Variants in KRT8 observed in about 807,000 individuals in gnomAD.
The protein encoded by KRT8 is keratin 8.
KRT8 carries 24 observed loss-of-function variants against 43.0 expected under a neutral mutation model. That is an observed-to-expected ratio of 0.56 (90% CI 0.40 to 0.78). The LOEUF (loss-of-function observed/expected upper bound fraction) is 0.78. KRT8 is among the 30% of genes least tolerant of loss of function. The probability of loss-of-function intolerance (pLI) is 0.00; values close to 1 mark genes in which losing one functional copy is unlikely to be tolerated. For synonymous variants in KRT8, 214 were observed against 261.2 expected, an observed-to-expected ratio of 0.82 and a Z score of 1.74; for missense variants, 492 against 638.4, an observed-to-expected ratio of 0.77 and a Z score of 2.47.
chr12:52,900,584 A>G lies in KRT8; in HGVS notation c.690+4T>C. ...CCCTCACTCTCCTGCGACCAGGAAC[A>G]TACCTCTTCATATAGCTGCCTGAGG... is the stretch of plus-strand genomic sequence containing the variant. On this transcript the variant is annotated splice_donor_region_variant and intron_variant, in intron 4 of 7. Transcript: ENST00000692008. 4 of 1,594,518 alleles carry G rather than the reference A, an allele frequency of 2.5e-6. No individual in the cohort carries two copies. The highest frequency in any genetic ancestry group is 1.1e-5 in the South Asian group (1 of 90,552).
At chr12:52,931,330 G>A (rs1318588669) in intron 2 of KRT8, among the ~76,000 whole-genome samples, 1 of 152,076 alleles carries the variant, frequency 6.6e-6, no homozygotes, top group Non-Finnish European at 1.5e-5. Flanking sequence ...GCCTCCCAAA[G>A]TACTGGGATT....
At chr12:52,918,330 G>C (rs1941818837) in intron 2 of KRT8, among the ~76,000 whole-genome samples, 1 of 152,144 alleles carries the variant, frequency 6.6e-6, no homozygotes, top group Non-Finnish European at 1.5e-5. Context: ...GGCCTCTACT[G>C]TATCAGCTGG....
At chr12:52,918,059 GAAGGA>G (rs1941785004) in intron 2 of KRT8, among the ~76,000 whole-genome samples, 1 of 143,788 alleles carries the variant, frequency 7.0e-6, no homozygotes, top group Non-Finnish European at 1.5e-5. Flanking sequence ...AGAGGAAGAA[GAAGGA>G]GAAGAAGAAG....
intron 2 of KRT8, among the ~76,000 whole-genome samples, chr12:52,913,171 A>G (rs1357013372): frequency 6.6e-6 from 1 of 152,236 alleles, no homozygotes; most frequent in African/African-American, 2.4e-5. Flanking sequence ...GAGCAGAGTC[A>G]GGTGGCAGGG....
chr12:52,935,170 T>C (rs1219233828), intron 2 of KRT8, among the ~76,000 whole-genome samples: 2 of 148,044 alleles, frequency 1.4e-5, no homozygotes, highest in Admixed American at 6.7e-5. Context: ...CACCTGAGGT[T>C]AGGAGTTCGA....
At chr12:52,931,963 A>G (rs1050515796) in intron 2 of KRT8, among the ~76,000 whole-genome samples, 2 of 151,712 alleles carry the variant, frequency 1.3e-5, no homozygotes, top group Non-Finnish European at 2.9e-5. Context: ...GCGCTTGGCC[A>G]TATGTTTATG....
intron 2 of KRT8, among the ~76,000 whole-genome samples, chr12:52,930,838 G>A (rs1364284921): frequency 1.3e-5 from 2 of 152,128 alleles, no homozygotes; most frequent in Non-Finnish European, 2.9e-5. Context: ...GGCATTACAG[G>A]CATGAACCTC....
At chr12:52,940,185 C>T (rs1013081354) in intron 2 of KRT8, among the ~76,000 whole-genome samples, 2 of 151,982 alleles carry the variant, frequency 1.3e-5, no homozygotes, top group African/African-American at 4.8e-5. Flanking sequence ...GTAATCCCAG[C>T]ACTTTGGGAG....
chr12:52,942,315 C>T (rs189136241), intron 2 of KRT8, among the ~76,000 whole-genome samples: 2 of 152,266 alleles, frequency 1.3e-5, no homozygotes, highest in Admixed American at 1.3e-4. Context: ...CTTAGGCACC[C>T]AACTTGACCA....
intron 2 of KRT8, among the ~76,000 whole-genome samples, chr12:52,930,964 CTT>C (rs748692007): frequency 7.2e-5 from 11 of 152,164 alleles, no homozygotes; most frequent in Admixed American, 2.6e-4. Flanking sequence ...AATCTCCACT[CTT>C]GTCTTTTCAA....
upstream of KRT8, among the ~76,000 whole-genome samples, chr12:52,910,245 A>AT (rs1941607470): frequency 6.6e-6 from 1 of 152,192 alleles, no homozygotes; most frequent in Non-Finnish European, 1.5e-5. Flanking sequence ...GTGGGAGATT[A>AT]TAACAGTATA....
chr12:52,925,303 C>T (rs1941967776), intron 2 of KRT8, among the ~76,000 whole-genome samples: 1 of 152,186 alleles, frequency 6.6e-6, no homozygotes, highest in African/African-American at 2.4e-5. Flanking sequence ...TCTCCTTCCT[C>T]TGAATAGCTG....
intron 2 of KRT8, among the ~76,000 whole-genome samples, chr12:52,915,674 A>C (rs1037266801): frequency 1.3e-5 from 2 of 151,986 alleles, no homozygotes; most frequent in Non-Finnish European, 2.9e-5. Flanking sequence ...CCCACCACTG[A>C]ACTCCAGCCC....
chr12:52,926,332 G>GCCCACCCCCCCCCCC, intron 2 of KRT8: 1 of 600,278 alleles, frequency 1.7e-6, no homozygotes, highest in Non-Finnish European at 3.0e-6. Flanking sequence ...GGCACTAGCT[G>GCCCACCCCCCCCCCC]CCCTCCCCAC....
chr12:52,905,411 G>A (rs997331800), upstream of KRT8, among the ~76,000 whole-genome samples: 2 of 152,122 alleles, frequency 1.3e-5, no homozygotes, highest in Non-Finnish European at 2.9e-5. Flanking sequence ...CTCCCTCCTG[G>A]GGGAAATAAA....
intron 2 of KRT8, among the ~76,000 whole-genome samples, chr12:52,922,449 G>A (rs1469981093): frequency 1.3e-5 from 2 of 152,174 alleles, no homozygotes; most frequent in African/African-American, 4.8e-5. Flanking sequence ...GAGGTGGGTG[G>A]ATTACTTGAG....
exon 2 of KRT8, chr12:52,902,004 C>T (rs1941383453): frequency 1.2e-6 from 2 of 1,603,602 alleles, no homozygotes; most frequent in South Asian, 1.1e-5. Context: ...TGCTTCGAGC[C>T]GTCTTCTGCT....
At position 52,941,884 on chromosome 12, in the gene KRT8, T is replaced by C. The variant is rs75923796; in HGVS notation, c.-47+7572A>G. ...TTCAGCACGTAGAACGCAAGCTCCA[T>C]GAAAGCAGCAACCTTGTGGCTTTTC... On this transcript the variant is annotated intron_variant, in intron 2 of 6. Coordinates refer to the KRT8 transcript ENST00000546826. Among the ~76,000 whole-genome samples, 109 of 152,280 alleles carry C rather than the reference T, an allele frequency of 7.2e-4. 1 individual carries two copies. The highest frequency in any genetic ancestry group is 2.5e-3 in the African/African-American group (105 of 41,562).
chr12:52,949,084 C>T, intron 2 of KRT8: 1 of 1,257,084 alleles, frequency 8.0e-7, no homozygotes, highest in Admixed American at 1.8e-5. Context: ...GGGCCTCACT[C>T]TGCGATATAA....
Sources: gnomAD v4.1 joint callset for allele counts (sites outside exome capture counted in the v4.1 genomes callset) on GRCh38, gnomAD v4.1.1 for gene constraint, MANE v1.5 for transcripts, NCBI Gene and HGNC (gene_info 2026-07-23, HGNC 2026-07-21) for gene names.